The following PDZD2 variants were observed in gnomAD, a reference collection of about 807,000 sequenced individuals.
The protein encoded by PDZD2 is PDZ domain-containing protein 2.
Under a neutral mutation model 220.7 loss-of-function variants are expected in PDZD2, and 90 were observed. The ratio of observed to expected loss-of-function variants is 0.41; its 90% CI spans 0.34 to 0.49. PDZD2 has a LOEUF of 0.49. Ranked by LOEUF, PDZD2 falls within the 20% of genes least tolerant of loss-of-function variation. PDZD2 has a pLI of 0.28. For synonymous variants in PDZD2, 1,375 were observed against 1,450.5 expected, an observed-to-expected ratio of 0.95 and a Z score of 1.18; for missense variants, 3,174 against 3,608.5, an observed-to-expected ratio of 0.88 and a Z score of 3.08.
intron 2 of PDZD2, among the ~76,000 whole-genome samples, chr5:31,925,084 A>C (rs9292449): frequency 0.15 from 23,510 of 152,268 alleles, 1,934 homozygotes; most frequent in South Asian, 0.25. Flanking sequence ...ACAGTTATCT[A>C]TGTCCTGCAA....
At chr5:32,079,097 TA>T (rs1271793782) in intron 19 of PDZD2, among the ~76,000 whole-genome samples, 1 of 151,258 alleles carries the variant, frequency 6.6e-6, no homozygotes, top group Non-Finnish European at 1.5e-5. Flanking sequence ...TCGCCTCTAC[TA>T]AACATAAAAA....
At chr5:31,903,943 C>CT (rs1005907853) in intron 2 of PDZD2, among the ~76,000 whole-genome samples, 21 of 151,460 alleles carry the variant, frequency 1.4e-4, no homozygotes, top group East Asian at 7.8e-4. Context: ...AGGCTGGTCT[C>CT]TAACTCCTGA....
intron 1 of PDZD2, among the ~76,000 whole-genome samples, chr5:31,724,626 A>G (rs1047110233): frequency 7.5e-6 from 1 of 132,476 alleles, no homozygotes; most frequent in African/African-American, 2.9e-5. Context: ...AAAAAAAAAA[A>G]CTCCCTGAAA....
intron 2 of PDZD2, among the ~76,000 whole-genome samples, chr5:31,841,214 C>T (rs966431623): frequency 2.6e-5 from 4 of 152,052 alleles, no homozygotes; most frequent in African/African-American, 9.7e-5. Flanking sequence ...TGTGTACACA[C>T]ACACACACAC....
intron 1 of PDZD2, among the ~76,000 whole-genome samples, chr5:31,686,921 G>A (rs418410): frequency 6.6e-6 from 1 of 151,888 alleles, no homozygotes; most frequent in Non-Finnish European, 1.5e-5. Context: ...CTGGAACAAG[G>A]TTGGCAAGTG....
chr5:31,814,905 T>C (rs80054089), intron 2 of PDZD2, among the ~76,000 whole-genome samples: 1 of 151,978 alleles, frequency 6.6e-6, no homozygotes, highest in Non-Finnish European at 1.5e-5. Context: ...AGGCCAAAGT[T>C]CTTCCTATGT....
chr5:31,869,025 G>A (rs992307995), intron 2 of PDZD2, among the ~76,000 whole-genome samples: 10 of 152,088 alleles, frequency 6.6e-5, no homozygotes, highest in African/African-American at 2.2e-4. Flanking sequence ...TGCCTGCTTC[G>A]GCCTCCCAAA....
chr5:31,960,308 C>T (rs1233507324), intron 2 of PDZD2, among the ~76,000 whole-genome samples: 2 of 152,042 alleles, frequency 1.3e-5, no homozygotes, highest in Non-Finnish European at 2.9e-5. Flanking sequence ...CCTCCACCCC[C>T]CAGGTTCAAG....
intron 2 of PDZD2, among the ~76,000 whole-genome samples, chr5:31,910,180 A>G (rs994126922): frequency 2.6e-5 from 4 of 151,260 alleles, no homozygotes; most frequent in African/African-American, 9.7e-5. Flanking sequence ...GGCAGAGTCA[A>G]GATTCAAACC....
intron 2 of PDZD2, among the ~76,000 whole-genome samples, chr5:31,850,024 ACTCATATATACAC>A: frequency 8.7e-6 from 1 of 114,726 alleles, no homozygotes; most frequent in African/African-American, 3.4e-5. Flanking sequence ...ACACGTATAT[ACTCATATATACAC>A]GTATATATAT....
chr5:32,037,559 C>T (rs543772033), intron 7 of PDZD2, among the ~76,000 whole-genome samples: 22 of 152,330 alleles, frequency 1.4e-4, no homozygotes, highest in Non-Finnish European at 1.5e-4. Flanking sequence ...TGGATGTCAA[C>T]ATTCCTGTGT....
chr5:31,968,848 A>G (rs1047801294), intron 2 of PDZD2, among the ~76,000 whole-genome samples: 2 of 101,908 alleles, frequency 2.0e-5, no homozygotes, highest in Admixed American at 2.4e-4. Flanking sequence ...TCCGTTGTTA[A>G]TAAGCTACCC....
At chr5:31,880,126 G>C (rs1739734738) in intron 2 of PDZD2, among the ~76,000 whole-genome samples, 1 of 151,904 alleles carries the variant, frequency 6.6e-6, no homozygotes, top group Non-Finnish European at 1.5e-5. Context: ...GTTTCACCAT[G>C]TTGGCCAAGC....
chr5:31,661,144 T>C (rs1159356272), intron 1 of PDZD2, among the ~76,000 whole-genome samples: 1 of 152,200 alleles, frequency 6.6e-6, no homozygotes, highest in Non-Finnish European at 1.5e-5. Flanking sequence ...TTCCATTTGC[T>C]TAGTATGGCT....
At chr5:32,096,206 T>C (rs1286099866) in intron 21 of PDZD2, among the ~76,000 whole-genome samples, 3 of 152,198 alleles carry the variant, frequency 2.0e-5, no homozygotes, top group Non-Finnish European at 2.9e-5. Flanking sequence ...AGTCAACCTC[T>C]TTCTCCCCAT....
At chr5:31,895,377 T>C (rs931475892) in intron 2 of PDZD2, among the ~76,000 whole-genome samples, 2 of 152,158 alleles carry the variant, frequency 1.3e-5, no homozygotes, top group Non-Finnish European at 2.9e-5. Flanking sequence ...GAAAGACTCC[T>C]TATCTCCTCT....
chr5:32,059,196 T>C, intron 12 of PDZD2, 43 bp from the exon 13 acceptor site: 1 of 1,017,330 alleles, frequency 9.8e-7, no homozygotes, highest in Non-Finnish European at 1.6e-6. Context: ...CTAGTGATTG[T>C]GTAATTTTTG....
intron 1 of PDZD2, among the ~76,000 whole-genome samples, chr5:31,702,077 G>A (rs1209056526): frequency 6.6e-6 from 1 of 152,218 alleles, no homozygotes; most frequent in Non-Finnish European, 1.5e-5. Context: ...TGATTTGCTG[G>A]CTGTCTCTCT....
In PDZD2 at chr5:32,053,874, CT is replaced by C; in HGVS notation, c.1893del (p.Glu633LysfsTer6). ...PNGSAAEDGR[L>X]KEGDEILDVN... is the part of the protein sequence containing the mutation. ...TGGATCAGCTGCAGAGGACGGAAGA[CT>C]TAAAGAAGGTAGGGGAAAGCCTCTT... is the stretch of plus-strand genomic sequence containing the variant. On this transcript the variant is annotated frameshift_variant, in exon 10 of 25. Transcript: ENST00000438447. LOFTEE classifies it high-confidence loss of function. 1 of 1,583,870 alleles carries C rather than the reference CT, an allele frequency of 6.3e-7. No individual in the cohort carries two copies. Among genetic ancestry groups the C allele is most frequent in the Non-Finnish European group, 8.7e-7 (1 of 1,152,464 alleles).
Sources: gnomAD v4.1 joint callset for allele counts (sites outside exome capture counted in the v4.1 genomes callset) on GRCh38, gnomAD v4.1.1 for gene constraint, MANE v1.5 for transcripts, NCBI Gene and HGNC (gene_info 2026-07-23, HGNC 2026-07-21) for gene names.